The following GOLPH3L variants were observed in gnomAD, a reference collection of about 807,000 sequenced individuals.
GOLPH3L encodes the protein Golgi phosphoprotein 3-like.
GOLPH3L carries 22 observed loss-of-function variants against 30.3 expected under a neutral mutation model. The ratio of observed to expected loss-of-function variants is 0.73; its 90% CI spans 0.52 to 1.04. GOLPH3L has a LOEUF of 1.04. Among genes scored for constraint, GOLPH3L ranks in the 50% least tolerant of loss-of-function variants. The pLI is 0.00. For synonymous variants in GOLPH3L, 120 were observed against 128.2 expected (o/e 0.94, Z 0.43); for missense variants, 303 against 345.8 (o/e 0.88, Z 0.98).
At chr1:150,651,642 C>CAAAAAAAAAAAAAAAAAAAAAATAAA (rs59940841) in intron 4 of GOLPH3L, among the ~76,000 whole-genome samples, 1 of 60,852 alleles carries the variant, frequency 1.6e-5, no homozygotes. Context: ...GAGCGAAACT[C>CAAAAAAAAAAAAAAAAAAAAAATAAA]AAAAAAAAAA....
At chr1:150,689,800 T>G (rs372777966) in intron 2 of GOLPH3L, among the ~76,000 whole-genome samples, 1 of 151,976 alleles carries the variant, frequency 6.6e-6, no homozygotes, top group East Asian at 1.9e-4. Context: ...CACACCCAGC[T>G]AATTTTTTTT....
At chr1:150,670,213 G>A (rs1470914719) in intron 2 of GOLPH3L, among the ~76,000 whole-genome samples, 2 of 152,086 alleles carry the variant, frequency 1.3e-5, no homozygotes, top group Admixed American at 6.6e-5. Context: ...AGTGAGCTGA[G>A]ATCTCACCAC....
chr1:150,688,833 TC>T (rs1651148285), intron 2 of GOLPH3L, among the ~76,000 whole-genome samples: 1 of 152,134 alleles, frequency 6.6e-6, no homozygotes, highest in African/African-American at 2.4e-5. Flanking sequence ...TACTGCTCCT[TC>T]CCACCACCCA....
intron 2 of GOLPH3L, among the ~76,000 whole-genome samples, chr1:150,679,557 G>C (rs1335768835): frequency 6.6e-6 from 1 of 152,188 alleles, no homozygotes; most frequent in African/African-American, 2.4e-5. Flanking sequence ...CTAGCACTTT[G>C]GGAGACCGAA....
chr1:150,696,318 C>T (rs1001298710), intron 1 of GOLPH3L, among the ~76,000 whole-genome samples: 3 of 152,070 alleles, frequency 2.0e-5, no homozygotes, highest in Non-Finnish European at 4.4e-5. Context: ...TTTAAGTGAC[C>T]TCCTCTTTTC....
chr1:150,648,279 T>C lies in GOLPH3L; in HGVS notation c.*42A>G. On this transcript the variant is annotated 3_prime_UTR_variant, in exon 5 of 5. Transcript: ENST00000271732. ...AACTCAGTGATGGGGTCTCTGACAGTCACCAGCCAGCAGGGGAAAAGGAGA... is the reference window on the plus strand; with the variant it reads ...AACTCAGTGATGGGGTCTCTGACAGCCACCAGCCAGCAGGGGAAAAGGAGA... The C allele has an allele frequency of 1.4e-6, 2 of 1,397,142 alleles. No individual in the cohort carries two copies. Among genetic ancestry groups the C allele is most frequent in the Non-Finnish European group, 2.0e-6 (2 of 1,013,666 alleles). 86.5% of individuals were successfully genotyped at this position (1,397,142 alleles called of 1,614,324 possible).
At position 150,678,139 on chromosome 1, in the gene GOLPH3L, A is replaced by G. The variant is rs375797189; in HGVS notation, c.184-14376T>C. Among the ~76,000 whole-genome samples, 181 of 151,716 alleles carry G rather than the reference A, an allele frequency of 1.2e-3. 2 individuals are homozygous for G. The South Asian group carries it at 0.024, about 20-fold the overall frequency. Reference sequence around the variant, plus strand: ...ACATGGAGAAACCCCGTCTCTACTAAAAATACAAAATTAGCTGGGCGTGGT... The same window carrying G: ...ACATGGAGAAACCCCGTCTCTACTAGAAATACAAAATTAGCTGGGCGTGGT... On this transcript the variant is annotated intron_variant, in intron 2 of 4. Transcript: ENST00000271732.
intron 2 of GOLPH3L, among the ~76,000 whole-genome samples, chr1:150,689,866 G>T (rs1255433229): frequency 6.6e-6 from 1 of 151,976 alleles, no homozygotes; most frequent in Non-Finnish European, 1.5e-5. Context: ...TCGAACTCCT[G>T]GCCTCAAGTG....
chr1:150,672,067 A>G (rs1291021518), intron 2 of GOLPH3L, among the ~76,000 whole-genome samples: 2 of 152,116 alleles, frequency 1.3e-5, no homozygotes, highest in South Asian at 2.1e-4. Flanking sequence ...ATTTTCAGAA[A>G]AAAAGAACCC....
At chr1:150,657,289 C>A (rs1650261202) in intron 4 of GOLPH3L, among the ~76,000 whole-genome samples, 1 of 152,210 alleles carries the variant, frequency 6.6e-6, no homozygotes, top group Non-Finnish European at 1.5e-5. Flanking sequence ...TGCCTAGCTG[C>A]TAATGCAATA....
At chr1:150,649,712 T>C (rs1000156933) in intron 4 of GOLPH3L, among the ~76,000 whole-genome samples, 2 of 151,974 alleles carry the variant, frequency 1.3e-5, no homozygotes, top group African/African-American at 2.4e-5. Flanking sequence ...AGACCACACA[T>C]AGATCTATCA....
intron 2 of GOLPH3L, among the ~76,000 whole-genome samples, chr1:150,676,634 A>ATTTTTTTT (rs1225677880): frequency 8.3e-6 from 1 of 120,964 alleles, no homozygotes; most frequent in Non-Finnish European, 1.8e-5. Flanking sequence ...CATACATTCT[A>ATTTTTTTT]TTTTTTTTTT....
At chr1:150,669,299 C>T (rs1168221889) in intron 2 of GOLPH3L, among the ~76,000 whole-genome samples, 52 of 152,054 alleles carry the variant, frequency 3.4e-4, no homozygotes, top group Admixed American at 3.2e-3. Flanking sequence ...ATAATATTGT[C>T]ATCTATAGTA....
chr1:150,649,442 T>A (rs1259849720), intron 4 of GOLPH3L, among the ~76,000 whole-genome samples: 1 of 152,104 alleles, frequency 6.6e-6, no homozygotes, highest in Non-Finnish European at 1.5e-5. Context: ...ATTCTATGCC[T>A]AAGGGTGTTG....
intron 2 of GOLPH3L, among the ~76,000 whole-genome samples, chr1:150,665,594 C>T (rs766890574): frequency 2.0e-5 from 3 of 152,028 alleles, no homozygotes; most frequent in Non-Finnish European, 4.4e-5. Context: ...ATGCATGATA[C>T]ATTAATTTAA....
intron 2 of GOLPH3L, among the ~76,000 whole-genome samples, chr1:150,669,289 A>G (rs1181170092): frequency 1.3e-5 from 2 of 152,206 alleles, no homozygotes; most frequent in African/African-American, 2.4e-5. Context: ...AATAAAGATT[A>G]TAATATTGTC....
intron 2 of GOLPH3L, among the ~76,000 whole-genome samples, chr1:150,679,535 G>A (rs112453889): frequency 2.6e-5 from 4 of 152,084 alleles, no homozygotes; most frequent in East Asian, 1.9e-4. Context: ...GCAATGGCTC[G>A]CACCTGCAAT....
At chr1:150,677,307 G>C (rs1650834314) in intron 2 of GOLPH3L, among the ~76,000 whole-genome samples, 1 of 151,838 alleles carries the variant, frequency 6.6e-6, no homozygotes, top group African/African-American at 2.4e-5. Flanking sequence ...TGTGATCTTG[G>C]CTTACGGCAA....
At chr1:150,676,527 G>C (rs977736754) in intron 2 of GOLPH3L, among the ~76,000 whole-genome samples, 1 of 151,660 alleles carries the variant, frequency 6.6e-6, no homozygotes, top group African/African-American at 2.4e-5. Flanking sequence ...AAGAACTCCA[G>C]TAAGCCTTCA....
Sources: gnomAD v4.1 joint callset for allele counts (sites outside exome capture counted in the v4.1 genomes callset) on GRCh38, gnomAD v4.1.1 for gene constraint, MANE v1.5 for transcripts, NCBI Gene and HGNC (gene_info 2026-07-23, HGNC 2026-07-21) for gene names.